The following RNF19B variants were observed in gnomAD, a reference collection of about 807,000 sequenced individuals.
The protein encoded by RNF19B is E3 ubiquitin-protein ligase RNF19B.
A neutral mutation model predicts 65.5 loss-of-function variants in RNF19B; 23 were observed. The ratio of observed to expected loss-of-function variants is 0.35; its 90% CI spans 0.25 to 0.50. The LOEUF (loss-of-function observed/expected upper bound fraction) is 0.50, where lower values mean the gene tolerates loss of function less well. Ranked by LOEUF, RNF19B falls within the 20% of genes least tolerant of loss-of-function variation. RNF19B has a pLI of 0.98. For synonymous variants in RNF19B, 372 were observed against 379.6 expected, an observed-to-expected ratio of 0.98 and a Z score of 0.23; for missense variants, 794 against 980.0, an observed-to-expected ratio of 0.81 and a Z score of 2.53.
At chr1:32,937,790 G>A (rs1332689613) in intron 8 of RNF19B, among the ~76,000 whole-genome samples, 1 of 152,074 alleles carries the variant, frequency 6.6e-6, no homozygotes, top group Non-Finnish European at 1.5e-5. Context: ...ATGCACACGT[G>A]TGCTCAGATG....
At position 32,964,703 on chromosome 1, in the gene RNF19B, G is replaced by A. The variant is rs1296509793; in HGVS notation, c.-18C>T. 12 of 1,430,794 alleles carry A rather than the reference G, an allele frequency of 8.4e-6. No homozygotes were observed. In the East Asian group the frequency reaches 3.1e-4, roughly 37 times the overall value. 88.6% of individuals were successfully genotyped at this position (1,430,794 alleles called of 1,614,324 possible). Reference sequence around the variant, plus strand: ...GAGCCCATGGCCGGCAGAGGCCGAGGAGCCAGGGGCGCCCAGCGCCGCCAC... The same window carrying A: ...GAGCCCATGGCCGGCAGAGGCCGAGAAGCCAGGGGCGCCCAGCGCCGCCAC... On this transcript the variant is annotated 5_prime_UTR_variant, in exon 1 of 9. Transcript: ENST00000235150. The surrounding 1 kb of genome is among the most constrained non-coding windows in gnomAD (Gnocchi z 6.5).
chr1:32,943,359 C>T (rs1395770722), intron 6 of RNF19B, among the ~76,000 whole-genome samples: 2 of 150,544 alleles, frequency 1.3e-5, no homozygotes, highest in African/African-American at 2.4e-5. Context: ...CACCTGTAAT[C>T]CCAGCACTTT....
intron 1 of RNF19B, among the ~76,000 whole-genome samples, chr1:32,961,106 T>C (rs184260920): frequency 2.6e-5 from 4 of 152,306 alleles, no homozygotes; most frequent in Non-Finnish European, 5.9e-5. Context: ...AGTTACTCCC[T>C]ATAACCACTT....
intron 4 of RNF19B, 137 bp downstream of exon 4, chr1:32,946,265 G>C: frequency 1.5e-6 from 1 of 675,832 alleles, no homozygotes; most frequent in Non-Finnish European, 2.5e-6. Context: ...ATCCATTTAA[G>C]AAAGTAAGGT....
intron 6 of RNF19B, 43 bp from the exon 7 acceptor site, chr1:32,942,502 CA>C (rs1232018197): frequency 1.1e-5 from 17 of 1,542,420 alleles, no homozygotes; most frequent in Non-Finnish European, 1.5e-5. Context: ...AGCAGAGCAT[CA>C]AAACAGTCAG....
At chr1:32,944,720 A>G (rs1275212718) in intron 5 of RNF19B, among the ~76,000 whole-genome samples, 1 of 150,982 alleles carries the variant, frequency 6.6e-6, no homozygotes, top group Non-Finnish European at 1.5e-5. Flanking sequence ...ACGGAGTCTC[A>G]CTCTGTTGCC....
At chr1:32,938,592 T>C (rs1397188892) in intron 7 of RNF19B, 64 bp from the exon 8 acceptor site, 5 of 1,524,522 alleles carry the variant, frequency 3.3e-6, no homozygotes, top group Non-Finnish European at 4.5e-6. Flanking sequence ...GTCTGCTTCC[T>C]GGCACACATC....
At chr1:32,952,737 A>G (rs977534675) in intron 1 of RNF19B, among the ~76,000 whole-genome samples, 2 of 136,572 alleles carry the variant, frequency 1.5e-5, no homozygotes, top group Non-Finnish European at 1.6e-5. Flanking sequence ...TGACAGTGTG[A>G]GACTCCATCT....
At chr1:32,953,643 G>A (rs1642564039) in intron 1 of RNF19B, among the ~76,000 whole-genome samples, 1 of 152,002 alleles carries the variant, frequency 6.6e-6, no homozygotes. Context: ...ATATCCTGTA[G>A]GAGTTCTGGG....
At chr1:32,957,225 GA>G (rs1642659940) in intron 1 of RNF19B, among the ~76,000 whole-genome samples, 1 of 151,982 alleles carries the variant, frequency 6.6e-6, no homozygotes, top group African/African-American at 2.4e-5. Flanking sequence ...GGCTGGTCTC[GA>G]ACTCCTGGGC....
At chr1:32,951,874 T>C (rs930149957) in intron 1 of RNF19B, among the ~76,000 whole-genome samples, 2 of 151,456 alleles carry the variant, frequency 1.3e-5, no homozygotes, top group African/African-American at 2.4e-5. Context: ...CTCGGCTCAC[T>C]GCAATCTTCT....
chr1:32,956,404 C>T (rs1642640008), intron 1 of RNF19B, among the ~76,000 whole-genome samples: 1 of 150,748 alleles, frequency 6.6e-6, no homozygotes, highest in African/African-American at 2.4e-5. Flanking sequence ...AAAAATTAGC[C>T]GAGTGTGGTG....
At position 32,964,756 on chromosome 1, in the gene RNF19B, G is replaced by A; in HGVS notation, c.-71C>T. On this transcript the variant is annotated 5_prime_UTR_variant, in exon 1 of 9. Coordinates refer to ENST00000235150, the MANE Select transcript of RNF19B (RefSeq NM_001300826.2). The surrounding 1 kb of genome is among the most constrained non-coding windows in gnomAD (Gnocchi z 6.5). Reference sequence around the variant, plus strand: ...CTCCCGCCTCAGCGCCCCTCAGCCAGCGCCCGGCCGCCGCCGACGCCGCCA... The same window carrying A: ...CTCCCGCCTCAGCGCCCCTCAGCCAACGCCCGGCCGCCGCCGACGCCGCCA... 1 of 1,279,654 alleles carries A rather than the reference G, an allele frequency of 7.8e-7. No homozygotes were observed. The highest frequency in any genetic ancestry group is 9.9e-7 in the Non-Finnish European group (1 of 1,009,000). The allele number at this position is 1,279,654 out of a possible 1,614,324, so 79.3% of individuals were successfully genotyped here.
At position 32,960,160 on chromosome 1, in the gene RNF19B, T is replaced by C. The variant is rs548996236; in HGVS notation, c.635+3891A>G. ...TAAGAGAAGAAAAATCCAAAACTCT[T>C]TGCTCTATCCTACAAATATTCTGTA... On this transcript the variant is annotated intron_variant, in intron 1 of 8. Transcript: ENST00000235150. 3.3e-5 allele frequency among the ~76,000 whole-genome samples: 5 copies of C among 152,352 alleles called. No homozygotes were observed. In the East Asian group the frequency reaches 5.8e-4, roughly 18 times the overall value.
chr1:32,951,376 G>A (rs1275609924), intron 1 of RNF19B, among the ~76,000 whole-genome samples: 1 of 152,238 alleles, frequency 6.6e-6, no homozygotes, highest in Non-Finnish European at 1.5e-5. Context: ...GGGGCAGCAG[G>A]AGCAGCAGCT....
chr1:32,937,400 C>T (rs1192071790), intron 8 of RNF19B, 141 bp from the exon 9 acceptor site: 1 of 1,286,374 alleles, frequency 7.8e-7, no homozygotes, highest in Non-Finnish European at 1.1e-6. Context: ...ACAAAAATAA[C>T]ATTTTAATCT....
downstream of RNF19B, among the ~76,000 whole-genome samples, chr1:32,933,386 C>A (rs868578333): frequency 6.6e-6 from 1 of 151,948 alleles, no homozygotes; most frequent in Non-Finnish European, 1.5e-5. Context: ...TCTCGAGTTG[C>A]TGGGACTACA....
chr1:32,944,529 TAA>T (rs1364822701), intron 5 of RNF19B, among the ~76,000 whole-genome samples: 5 of 152,174 alleles, frequency 3.3e-5, no homozygotes, highest in Admixed American at 2.0e-4. Context: ...AAATATTAAA[TAA>T]GTGACTACTG....
At chr1:32,945,055 T>C (rs558163201) in intron 5 of RNF19B, among the ~76,000 whole-genome samples, 1 of 152,232 alleles carries the variant, frequency 6.6e-6, no homozygotes, top group African/African-American at 2.4e-5. Context: ...AATAAATTAA[T>C]ATATGCAAAA....
Sources: gnomAD v4.1 joint callset for allele counts (sites outside exome capture counted in the v4.1 genomes callset) on GRCh38, gnomAD v4.1.1 for gene constraint, Gnocchi (gnomAD v3.1) non-coding constraint, MANE v1.5 for transcripts, NCBI Gene and HGNC (gene_info 2026-07-23, HGNC 2026-07-21) for gene names.